The following NEK1 variants were observed in gnomAD, a reference collection of about 807,000 sequenced individuals.
NEK1 encodes serine/threonine-protein kinase Nek1.
Under a neutral mutation model 182.1 loss-of-function variants are expected in NEK1, and 137 were observed. That is an observed-to-expected ratio of 0.75 (90% CI 0.65 to 0.87). NEK1 has a LOEUF of 0.87. NEK1 is among the 40% of genes least tolerant of loss of function. The pLI is 0.00. For synonymous variants in NEK1, 513 were observed against 492.2 expected, an observed-to-expected ratio of 1.04 and a Z score of -0.56; for missense variants, 1,391 against 1,494.4, an observed-to-expected ratio of 0.93 and a Z score of 1.14.
At position 169,566,694 on chromosome 4, in the gene NEK1, T is replaced by G. The variant is rs559514608; in HGVS notation, c.1021-4498A>C. Among the ~76,000 whole-genome samples the G allele has an allele frequency of 1.4e-4, 22 of 152,330 alleles. No individual in the cohort carries two copies. In the South Asian group the frequency reaches 4.6e-3, roughly 32 times the overall value. ...TGACAGTATCTTAAGTGGTTAAAGC[T>G]TTCCTTTTTCAGGCTTGAAGTTAAA... On this transcript the variant is annotated intron_variant, in intron 12 of 35. Transcript: ENST00000507142.
intron 31 of NEK1, among the ~76,000 whole-genome samples, chr4:169,419,679 T>C (rs1308122233): frequency 6.6e-6 from 1 of 152,240 alleles, no homozygotes; most frequent in East Asian, 1.9e-4. Context: ...TAGGCAATTT[T>C]GTCATTGTGT....
At chr4:169,542,465 T>C (rs1311358886) in intron 18 of NEK1, among the ~76,000 whole-genome samples, 1 of 152,202 alleles carries the variant, frequency 6.6e-6, no homozygotes, top group African/African-American at 2.4e-5. Flanking sequence ...TAAACATACA[T>C]ATGCATGTGT....
At chr4:169,415,256 C>T (rs1207293027) in intron 31 of NEK1, among the ~76,000 whole-genome samples, 1 of 152,130 alleles carries the variant, frequency 6.6e-6, no homozygotes, top group Non-Finnish European at 1.5e-5. Flanking sequence ...AGTGTGATAC[C>T]TCATTTTAGT....
intron 5 of NEK1, among the ~76,000 whole-genome samples, chr4:169,591,151 C>A (rs545009818): frequency 6.8e-6 from 1 of 147,526 alleles, no homozygotes; most frequent in African/African-American, 2.7e-5. Context: ...AACGCCCCCC[C>A]CCCACTTCTT....
chr4:169,593,590 A>C (rs1768906213), intron 5 of NEK1, among the ~76,000 whole-genome samples: 1 of 152,254 alleles, frequency 6.6e-6, no homozygotes, highest in African/African-American at 2.4e-5. Context: ...CTTATAAAAT[A>C]TAAATGTTAC....
chr4:169,555,854 G>GTAGATAAA lies in NEK1; in HGVS notation c.1431-11_1431-4dup. ...GACGAACTCCAGGCAGAATTCCTCT[G>GTAGATAAA]TAGATAAATATGCACAGTGACTTTC... On this transcript the variant is annotated splice_polypyrimidine_tract_variant and splice_region_variant and intron_variant, in intron 17 of 35. Transcript: ENST00000507142. 1 of 1,613,948 alleles carries GTAGATAAA rather than the reference G, an allele frequency of 6.2e-7. No individual in the cohort carries two copies. The highest frequency in any genetic ancestry group is 8.5e-7 in the Non-Finnish European group (1 of 1,179,832).
In NEK1 at chr4:169,493,642, T is replaced by C. The variant is rs57708560; in HGVS notation, c.2007+13395A>G. On this transcript the variant is annotated intron_variant, in intron 23 of 35. Coordinates refer to ENST00000507142, the MANE Select transcript of NEK1 (RefSeq NM_001199397.3). The stretch of plus-strand genomic sequence containing the variant: ...AAAACTCACTATGGGAATTTCAAAA[T>C]ACAGTTGGAAGCCTTAACAACAAAC... Among the ~76,000 whole-genome samples, 608 of 152,224 alleles carry C rather than the reference T, an allele frequency of 4.0e-3. 7 individuals carry two copies. The highest frequency in any genetic ancestry group is 0.014 in the African/African-American group (582 of 41,540).
chr4:169,562,856 A>G (rs1024954800), intron 12 of NEK1, among the ~76,000 whole-genome samples: 1 of 152,248 alleles, frequency 6.6e-6, no homozygotes, highest in African/African-American at 2.4e-5. Flanking sequence ...CTTCTTTTAT[A>G]TACTGTTTAC....
intron 26 of NEK1, among the ~76,000 whole-genome samples, chr4:169,465,319 C>A (rs1487262264): frequency 1.3e-5 from 2 of 151,894 alleles, no homozygotes; most frequent in African/African-American, 4.8e-5. Context: ...ACCCTCCTGT[C>A]CCCCCCACCA....
At chr4:169,399,259 C>T (rs777076924) in intron 35 of NEK1, among the ~76,000 whole-genome samples, 7 of 150,124 alleles carry the variant, frequency 4.7e-5, no homozygotes, top group Non-Finnish European at 7.4e-5. Flanking sequence ...ACACAAAAAA[C>T]GTTTAATACC....
chr4:169,439,707 C>A (rs993461390), intron 27 of NEK1, among the ~76,000 whole-genome samples: 1 of 151,956 alleles, frequency 6.6e-6, no homozygotes, highest in Non-Finnish European at 1.5e-5. Flanking sequence ...GATAAATCTG[C>A]ACATTTGGAA....
chr4:169,406,239 T>C (rs756559812), intron 32 of NEK1, among the ~76,000 whole-genome samples: 7 of 152,060 alleles, frequency 4.6e-5, no homozygotes, highest in Non-Finnish European at 8.8e-5. Context: ...TCCAGCTAGG[T>C]GATAGAGTGA....
chr4:169,592,005 C>T (rs139856921), intron 5 of NEK1, among the ~76,000 whole-genome samples: 25 of 150,868 alleles, frequency 1.7e-4, no homozygotes, highest in Non-Finnish European at 3.0e-4. Context: ...GCCCGAAAAA[C>T]GCATATACAA....
intron 11 of NEK1, among the ~76,000 whole-genome samples, chr4:169,578,336 C>A (rs933327077): frequency 6.6e-6 from 1 of 152,202 alleles, no homozygotes; most frequent in African/African-American, 2.4e-5. Flanking sequence ...GCTCAAACTC[C>A]CCTAAAGCCT....
At position 169,465,225 on chromosome 4, in the gene NEK1, T is replaced by C. The variant is rs144699184; in HGVS notation, c.2435-1830A>G. ...AGACCCATAACTTACAGTCATTTGA[T>C]GTTTGACAAATATGCCAAAGAAATT... On this transcript the variant is annotated intron_variant, in intron 26 of 35. Coordinates refer to ENST00000507142, the MANE Select transcript of NEK1 (RefSeq NM_001199397.3). Among the ~76,000 whole-genome samples the C allele has an allele frequency of 7.4e-3, 1,125 of 152,234 alleles. 26 individuals are homozygous for C. The highest frequency in any genetic ancestry group is 0.026 in the African/African-American group (1,061 of 41,548).
intron 31 of NEK1, among the ~76,000 whole-genome samples, chr4:169,413,620 G>C (rs1269630927): frequency 6.6e-6 from 1 of 152,162 alleles, no homozygotes; most frequent in Non-Finnish European, 1.5e-5. Context: ...TGAGAAACTA[G>C]ATCAGTCACC....
intron 19 of NEK1, among the ~76,000 whole-genome samples, chr4:169,523,148 T>C (rs772279543): frequency 6.6e-6 from 1 of 152,224 alleles, no homozygotes; most frequent in African/African-American, 2.4e-5. Context: ...TTTTGATAGC[T>C]AAGGTTTTTA....
chr4:169,419,354 C>T (rs1735083626), intron 31 of NEK1, among the ~76,000 whole-genome samples: 1 of 151,516 alleles, frequency 6.6e-6, no homozygotes, highest in Non-Finnish European at 1.5e-5. Context: ...AAATCATCAT[C>T]AACAGGGCTG....
chr4:169,599,033 A>C, intron 5 of NEK1, 67 bp downstream of exon 5: 1 of 1,204,010 alleles, frequency 8.3e-7, no homozygotes, highest in Non-Finnish European at 1.2e-6. Context: ...ACAAATACAC[A>C]CATAAACAAA....
Sources: gnomAD v4.1 joint callset for allele counts (sites outside exome capture counted in the v4.1 genomes callset) on GRCh38, gnomAD v4.1.1 for gene constraint, MANE v1.5 for transcripts, NCBI Gene and HGNC (gene_info 2026-07-23, HGNC 2026-07-21) for gene names.